PI4KB: variants seen among roughly 807,000 people sequenced by gnomAD.
PI4KB encodes the protein phosphatidylinositol 4-kinase beta.
In PI4KB, 23 loss-of-function variants were observed where a neutral mutation model predicts 81.4. The observed-to-expected ratio is 0.28, with a 90% CI of 0.20 to 0.40. The LOEUF is 0.40. Ranked by LOEUF, PI4KB falls within the 10% of genes least tolerant of loss-of-function variation. The pLI is 1.00. For synonymous variants in PI4KB, 381 were observed against 406.8 expected (o/e 0.94, Z 0.76); for missense variants, 651 against 1,036.6 (o/e 0.63, Z 5.11).
At position 151,292,570 on chromosome 1, in the gene PI4KB, T is replaced by A; in HGVS notation, c.*282A>T. ...CCCAGTGTCCCTCACATTTGTCACC[T>A]CTGTTTTCTGGAGGGCAGTGAGTCC... On this transcript the variant is annotated 3_prime_UTR_variant, in exon 12 of 12. Coordinates refer to ENST00000368873, the MANE Select transcript of PI4KB (RefSeq NM_001369623.2). The A allele has an allele frequency of 2.5e-6, 1 of 403,024 alleles. No individual in the cohort carries two copies. The highest frequency in any genetic ancestry group is 7.1e-4 in the Middle Eastern group (1 of 1,414). The allele number at this position is 403,024 out of a possible 1,614,324, so 25.0% of individuals were successfully genotyped here.
At chr1:151,305,863 A>C (rs1332043161) in intron 5 of PI4KB, among the ~76,000 whole-genome samples, 2 of 152,140 alleles carry the variant, frequency 1.3e-5, no homozygotes, top group Non-Finnish European at 2.9e-5. Context: ...GTGTTCAATA[A>C]ATATTTTCAT....
At chr1:151,305,658 C>T (rs1359106059) in intron 5 of PI4KB, among the ~76,000 whole-genome samples, 1 of 152,180 alleles carries the variant, frequency 6.6e-6, no homozygotes, top group African/African-American at 2.4e-5. Context: ...TGACTCTCAC[C>T]ACACTACAAC....
intron 5 of PI4KB, among the ~76,000 whole-genome samples, chr1:151,304,337 C>CTG (rs1345508066): frequency 2.2e-5 from 3 of 137,442 alleles, no homozygotes; most frequent in East Asian, 2.1e-4. Context: ...TGAAACCTGG[C>CTG]TGTGTGTTTT....
At chr1:151,308,287 A>G (rs1351578691) in intron 3 of PI4KB, among the ~76,000 whole-genome samples, 3 of 152,226 alleles carry the variant, frequency 2.0e-5, no homozygotes, top group Non-Finnish European at 4.4e-5. Flanking sequence ...GGAGCCCCAC[A>G]TCATTTCCAC....
chr1:151,317,154 T>TTTA (rs1264532788), intron 1 of PI4KB, among the ~76,000 whole-genome samples: 147 of 151,156 alleles, frequency 9.7e-4, no homozygotes, highest in Non-Finnish European at 1.7e-3. Context: ...TTTTTTTTTT[T>TTTA]TTTGAGACAA....
Position 151,299,138 on chromosome 1 carries a change from C to T in PI4KB, c.1750-65G>A, listed in dbSNP as rs138525471. The T allele has an allele frequency of 6.4e-3, 9,170 of 1,431,170 alleles. 63 individuals carry two copies. The highest frequency in any genetic ancestry group is 0.011 in the Middle Eastern group (61 of 5,560). 88.7% of individuals were successfully genotyped at this position (1,431,170 alleles called of 1,614,324 possible). A position where few individuals can be genotyped will look rare whatever the true frequency, so the allele number is the denominator to read the frequency against. ...TCCAAACTAGAGAAGAAGGCTAAAA[C>T]TCTTCCCTTTCTCCAGCCTCTCTCC... On this transcript the variant is annotated intron_variant, in intron 8 of 11. Transcript: ENST00000368873.
intron 3 of PI4KB, among the ~76,000 whole-genome samples, chr1:151,309,388 G>A (rs958070148): frequency 3.3e-5 from 5 of 152,118 alleles, no homozygotes; most frequent in Admixed American, 3.3e-4. Flanking sequence ...TCAAGAGAGA[G>A]GCTCTGCCAC....
chr1:151,304,082 C>T (rs966564784), intron 5 of PI4KB, among the ~76,000 whole-genome samples: 1 of 152,178 alleles, frequency 6.6e-6, no homozygotes, highest in Admixed American at 6.5e-5. Flanking sequence ...TAGCTTCTGA[C>T]AGTTTCTTCA....
chr1:151,302,280 C>T lies in PI4KB; in HGVS notation c.1539G>A (p.Gln513=). 3 of 1,614,100 alleles carry T rather than the reference C, an allele frequency of 1.9e-6. No individual in the cohort carries two copies. The highest frequency in any genetic ancestry group is 2.5e-6 in the Non-Finnish European group (3 of 1,179,948). Residue 513 remains glutamine, a synonymous_variant, in exon 7 of 12, where the codon CAG becomes CAA. Coordinates refer to ENST00000368873, the MANE Select transcript of PI4KB (RefSeq NM_001369623.2). ...AGDIRRRLSE[Q]LAHTPTAFKR... ...TGAAGGCTGTCGGGGTATGAGCCAG[C>T]TGTTCCGAAAGGCGCCGGCTGGCAG...
chr1:151,307,482 G>A (rs188484824), intron 4 of PI4KB, 92 bp downstream of exon 4: 3 of 743,302 alleles, frequency 4.0e-6, no homozygotes, highest in African/African-American at 1.7e-5. Context: ...TAGGATGTTG[G>A]TGAGGGCCTC....
chr1:151,317,028 TG>T (rs1648065935), intron 1 of PI4KB, among the ~76,000 whole-genome samples: 2 of 152,124 alleles, frequency 1.3e-5, no homozygotes, highest in Admixed American at 1.3e-4. Context: ...GGTTTCACCA[TG>T]TTAGCCAGGA....
Position 151,299,091 on chromosome 1 carries a change from G to T in PI4KB, c.1750-18C>A. On this transcript the variant is annotated intron_variant, in intron 8 of 11. Transcript: ENST00000368873. ...CAAATGGACTGTGAGGAGACATGGA[G>T]GATACAGGACTCTTATCTTTCTCCA... The T allele has an allele frequency of 6.2e-7, 1 of 1,610,770 alleles. No individual in the cohort carries two copies. Among genetic ancestry groups the T allele is most frequent in the Non-Finnish European group, 8.5e-7 (1 of 1,177,070 alleles).
chr1:151,317,835 G>A (rs1003801375), intron 1 of PI4KB, among the ~76,000 whole-genome samples: 2 of 151,878 alleles, frequency 1.3e-5, no homozygotes, highest in Non-Finnish European at 2.9e-5. Context: ...TTAGAGACAA[G>A]TCTTGCTCTG....
At chr1:151,300,416 GGC>G (rs754173736) in intron 8 of PI4KB, among the ~76,000 whole-genome samples, 1 of 152,144 alleles carries the variant, frequency 6.6e-6, no homozygotes, top group East Asian at 1.9e-4. Context: ...AGACCAGCCT[GGC>G]TCACATGGAG....
In PI4KB at chr1:151,327,375, C is replaced by G. The variant is rs1222600661; in HGVS notation, c.-133G>C. 3 of 396,502 alleles carry G rather than the reference C, an allele frequency of 7.6e-6. No individual in the cohort carries two copies. Among genetic ancestry groups the G allele is most frequent in the Non-Finnish European group, 1.3e-5 (3 of 225,674 alleles). 24.6% of individuals were successfully genotyped at this position (396,502 alleles called of 1,614,324 possible). The stretch of plus-strand genomic sequence containing the variant: ...TCCCGGGTTCCATTGGCCGCCTGCG[C>G]TTCCCTGACAGCGGCCGCGGAGGCT... On this transcript the variant is annotated 5_prime_UTR_variant, in exon 1 of 12. Transcript: ENST00000368873.
At chr1:151,327,592 T>C (rs567046314), upstream of PI4KB, 1 of 388,126 alleles carries the variant, frequency 2.6e-6, no homozygotes, top group Non-Finnish European at 4.5e-6. Flanking sequence ...AAGCCAAGCC[T>C]TTCTTCCCAG....
At position 151,317,985 on chromosome 1, in the gene PI4KB, A is replaced by C. The variant is rs187931707; in HGVS notation, c.-28-1476T>G. ...CATCATGCTCAGCTAATTAAAAAAA[A>C]ATTTTTTTGTGCAGATGGCGTCTTG... On this transcript the variant is annotated intron_variant, in intron 1 of 11. Coordinates refer to ENST00000368873, the MANE Select transcript of PI4KB (RefSeq NM_001369623.2). 1.9e-4 allele frequency among the ~76,000 whole-genome samples: 29 copies of C among 151,714 alleles called. 1 individual carries two copies. Among genetic ancestry groups the C allele is most frequent in the African/African-American group, 5.6e-4 (23 of 41,390 alleles).
chr1:151,304,547 G>C (rs1296546567), intron 5 of PI4KB, among the ~76,000 whole-genome samples: 1 of 151,760 alleles, frequency 6.6e-6, no homozygotes, highest in African/African-American at 2.4e-5. Context: ...GTTTCACCAT[G>C]TTAGTCAGGC....
chr1:151,300,477 A>C (rs1446621664), intron 8 of PI4KB, among the ~76,000 whole-genome samples: 1 of 152,162 alleles, frequency 6.6e-6, no homozygotes, highest in Admixed American at 6.5e-5. Flanking sequence ...GTGGTGGCGC[A>C]TGCCTATAAT....
Sources: gnomAD v4.1 joint callset for allele counts (sites outside exome capture counted in the v4.1 genomes callset) on GRCh38, gnomAD v4.1.1 for gene constraint, MANE v1.5 for transcripts, NCBI Gene and HGNC (gene_info 2026-07-23, HGNC 2026-07-21) for gene names.